SLC39A10: variants seen among roughly 807,000 people sequenced by gnomAD.
SLC39A10 encodes the protein solute carrier family 39 member 10.
A neutral mutation model predicts 65.1 loss-of-function variants in SLC39A10; 13 were observed. That is an observed-to-expected ratio of 0.20 (90% CI 0.13 to 0.32). The LOEUF is 0.32. SLC39A10 is among the 10% of genes least tolerant of loss of function. The pLI, the probability that SLC39A10 is intolerant of heterozygous loss-of-function variation, is 1.00. For synonymous variants in SLC39A10, 321 were observed against 342.2 expected, an observed-to-expected ratio of 0.94 and a Z score of 0.68; for missense variants, 831 against 1,018.4, an observed-to-expected ratio of 0.82 and a Z score of 2.50.
chr2:195,630,832 T>A (rs572521415), intron 2 of SLC39A10, among the ~76,000 whole-genome samples: 1 of 152,308 alleles, frequency 6.6e-6, no homozygotes, highest in South Asian at 2.1e-4. Context: ...TACTAAAAAA[T>A]TCAATCTCTA....
chr2:195,663,088 T>C (rs1156455062), intron 1 of SLC39A10, among the ~76,000 whole-genome samples: 1 of 152,222 alleles, frequency 6.6e-6, no homozygotes, highest in African/African-American at 2.4e-5. Context: ...TAGCTACTTA[T>C]GTAGCTCTCT....
chr2:195,658,029 C>G (rs1214309315), intron 1 of SLC39A10: 2 of 152,334 alleles, frequency 1.3e-5, no homozygotes, highest in African/African-American at 4.8e-5. Context: ...CCGGAGGTGG[C>G]GCGGCCGCAC....
In SLC39A10 at chr2:195,707,706, C is replaced by T. The variant is rs1691457822; in HGVS notation, c.1386+921C>T. 2.6e-5 allele frequency among the ~76,000 whole-genome samples: 4 copies of T among 151,946 alleles called. No individual in the cohort carries two copies. The South Asian group carries it at 8.3e-4, about 32-fold the overall frequency. ...GCAACAGTTTCCTTTAGAACTGGGC[C>T]TAGTAAGAGTTATTGAAGTGAGAAC... On this transcript the variant is annotated intron_variant, in intron 4 of 9. Coordinates refer to ENST00000359634, the MANE Select transcript of SLC39A10 (RefSeq NM_020342.3).
intron 2 of SLC39A10, among the ~76,000 whole-genome samples, chr2:195,625,222 A>AAAGAAAT (rs1688443563): frequency 1.8e-5 from 2 of 112,184 alleles, no homozygotes; most frequent in Non-Finnish European, 3.7e-5. Flanking sequence ...GTCTCAAAAA[A>AAAGAAAT]AAAGAAAGAA....
intron 2 of SLC39A10, among the ~76,000 whole-genome samples, chr2:195,628,582 G>GA (rs1653664311): frequency 6.6e-6 from 1 of 152,132 alleles, no homozygotes; most frequent in African/African-American, 2.4e-5. Flanking sequence ...GGAAAGACAA[G>GA]TATAAAACAA....
intron 8 of SLC39A10, among the ~76,000 whole-genome samples, chr2:195,725,073 A>G (rs1451433977): frequency 2.0e-5 from 3 of 151,822 alleles, no homozygotes; most frequent in African/African-American, 4.9e-5. Flanking sequence ...GGACATCTAC[A>G]TGCAATTAAA....
At chr2:195,733,252 G>A (rs749358768) in intron 9 of SLC39A10, among the ~76,000 whole-genome samples, 46 of 152,258 alleles carry the variant, frequency 3.0e-4, no homozygotes, top group Middle Eastern at 3.4e-3. Flanking sequence ...GTCCCAGAGG[G>A]TAGCATATCA....
intron 3 of SLC39A10, among the ~76,000 whole-genome samples, chr2:195,690,595 T>A (rs990167842): frequency 2.0e-5 from 3 of 152,218 alleles, no homozygotes; most frequent in Non-Finnish European, 4.4e-5. Flanking sequence ...TCATTGTAGT[T>A]CTGATTTGAA....
At position 195,713,454 on chromosome 2, in the gene SLC39A10, A is replaced by C. The variant is rs202179859; in HGVS notation, c.1597A>C (p.Lys533Gln). ...QQRGKQKWFM[K>Q]QNTEESTIGR... ...TTAGGGAAAACAGAAATGGTTTATG[A>C]AACAGAACACAGAAGAATCAACTAT... Residue 533 changes from lysine (K) to glutamine (Q), a missense_variant, in exon 6 of 10, where the codon AAA becomes CAA. By Grantham distance (53) the Lys-to-Gln change is moderately conservative (BLOSUM62 1). Around this residue, in one of 4 missense-constraint regions of SLC39A10, gnomAD observed 230 missense variants for 242.9 expected, o/e 0.95. Transcript: ENST00000359634. The C allele has an allele frequency of 1.9e-5, 30 of 1,566,918 alleles. No homozygotes were observed. Among genetic ancestry groups the C allele is most frequent in the Non-Finnish European group, 2.4e-5 (28 of 1,165,772 alleles).
chr2:195,657,876 C>G (rs1689220753), intron 1 of SLC39A10, among the ~76,000 whole-genome samples: 1 of 152,136 alleles, frequency 6.6e-6, no homozygotes, highest in Non-Finnish European at 1.5e-5. Context: ...TAACGGACGG[C>G]GGCGCCTCTG....
Position 195,683,708 on chromosome 2 carries a change from GTCAC to G in SLC39A10, c.1022_1025del (p.Thr341SerfsTer3). 6.2e-7 allele frequency: 1 copy of G among 1,612,152 alleles called. No individual in the cohort carries two copies. On this transcript the variant is annotated frameshift_variant, in exon 3 of 10. Coordinates refer to ENST00000359634, the MANE Select transcript of SLC39A10 (RefSeq NM_020342.3). LOFTEE classifies it high-confidence loss of function. ...ATCACTTTCCTTGCAGTGTTTGAACGTCACTCAGTTATTAAAATACTATGGTCAT... is the reference window on the plus strand; with the variant it reads ...ATCACTTTCCTTGCAGTGTTTGAACGTCAGTTATTAAAATACTATGGTCAT...
chr2:195,693,861 CT>C (rs1206981138), intron 3 of SLC39A10, among the ~76,000 whole-genome samples: 106 of 152,088 alleles, frequency 7.0e-4, no homozygotes, highest in African/African-American at 2.4e-3. Flanking sequence ...TTGGATTGTT[CT>C]TGCTTCACCA....
intron 1 of SLC39A10, among the ~76,000 whole-genome samples, chr2:195,676,390 A>G (rs1283740161): frequency 1.3e-5 from 2 of 150,306 alleles, no homozygotes; most frequent in African/African-American, 2.5e-5. Context: ...GTCCTTTATT[A>G]TAGAGTATTT....
intron 2 of SLC39A10, among the ~76,000 whole-genome samples, chr2:195,631,255 C>A (rs2105696971): frequency 6.6e-6 from 1 of 151,412 alleles, no homozygotes; most frequent in Middle Eastern, 3.4e-3. Flanking sequence ...TAGAGAGTTA[C>A]AAATATAAAA....
At position 195,735,096 on chromosome 2, in the gene SLC39A10, T is replaced by C. The variant is rs1692549944; in HGVS notation, c.*55T>C. 14 of 1,559,750 alleles carry C rather than the reference T, an allele frequency of 9.0e-6. No individual in the cohort carries two copies. Among genetic ancestry groups the C allele is most frequent in the Non-Finnish European group, 1.2e-5 (14 of 1,148,906 alleles). On this transcript the variant is annotated 3_prime_UTR_variant, in exon 10 of 10. Coordinates refer to ENST00000359634, the MANE Select transcript of SLC39A10 (RefSeq NM_020342.3). ...GAATGTTACCATGCAGCTTTGCATC[T>C]GTTCCTTGTACTGTATGCACATTGC...
intron 3 of SLC39A10, among the ~76,000 whole-genome samples, chr2:195,690,617 A>G (rs967521933): frequency 2.0e-5 from 3 of 152,114 alleles, no homozygotes; most frequent in Admixed American, 2.0e-4. Context: ...TTTCCTAAAG[A>G]TTAGTGCTGT....
At chr2:195,662,976 C>T (rs1354137373) in intron 1 of SLC39A10, among the ~76,000 whole-genome samples, 3 of 152,114 alleles carry the variant, frequency 2.0e-5, no homozygotes, top group African/African-American at 7.2e-5. Flanking sequence ...TCCATTTTTC[C>T]TCTGCAGAGG....
chr2:195,677,691 T>C (rs1690147742), intron 1 of SLC39A10, among the ~76,000 whole-genome samples: 1 of 152,258 alleles, frequency 6.6e-6, no homozygotes, highest in South Asian at 2.1e-4. Flanking sequence ...TCCTGTGTGA[T>C]AGATTTTTCT....
chr2:195,705,772 A>G (rs1042978492), intron 3 of SLC39A10, among the ~76,000 whole-genome samples: 1 of 152,180 alleles, frequency 6.6e-6, no homozygotes, highest in Non-Finnish European at 1.5e-5. Context: ...ATTTCATTTT[A>G]GGCCAATAAT....
Sources: gnomAD v4.1 joint callset for allele counts (sites outside exome capture counted in the v4.1 genomes callset) on GRCh38, gnomAD v4.1.1 for gene constraint, gnomAD v4.1.1 regional missense constraint, MANE v1.5 for transcripts, NCBI Gene and HGNC (gene_info 2026-07-23, HGNC 2026-07-21) for gene names.